The following NFIC variants were observed in gnomAD, a reference collection of about 807,000 sequenced individuals.
The protein encoded by NFIC is nuclear factor I C, also known as nuclear factor 1 C-type.
In NFIC, 12 loss-of-function variants were observed where a neutral mutation model predicts 54.4. The ratio of observed to expected loss-of-function variants is 0.22; its 90% confidence interval spans 0.14 to 0.36. The LOEUF (loss-of-function observed/expected upper bound fraction) is 0.36. NFIC is among the 10% of genes least tolerant of loss of function. NFIC has a pLI of 1.00. For synonymous variants in NFIC, 322 were observed against 319.2 expected (o/e 1.01, Z -0.09); for missense variants, 575 against 718.2 (o/e 0.80, Z 2.28).
In NFIC at chr19:3,370,827, C is replaced by G. The variant is rs192003738; in HGVS notation, c.30+4161C>G. Among the ~76,000 whole-genome samples, 4 of 152,314 alleles carry G rather than the reference C, an allele frequency of 2.6e-5. No homozygotes were observed. Among genetic ancestry groups the G allele is most frequent in the African/African-American group, 9.6e-5 (4 of 41,568 alleles). On this transcript the variant is annotated intron_variant, in intron 1 of 10. Coordinates refer to ENST00000443272, the MANE Select transcript of NFIC (RefSeq NM_001245002.2). The surrounding 1 kb of genome is among the most constrained non-coding windows in gnomAD (Gnocchi z 5.2). ...GAAATGCTGCCTGGGCCTCCTGCCC[C>G]GGACACGGCCCGCCCCCCACTCTCC...
chr19:3,413,682 C>G (rs181085074), intron 2 of NFIC, among the ~76,000 whole-genome samples: 73 of 152,218 alleles, frequency 4.8e-4, no homozygotes, highest in African/African-American at 1.7e-3. Context: ...CTCTGTCTCC[C>G]AGGCTGGAGT....
At chr19:3,410,599 GAAGAAGGTGGGCTTTTCCCCGCA>G (rs1218951433) in intron 2 of NFIC, 1 of 152,510 alleles carries the variant, frequency 6.6e-6, no homozygotes, top group Admixed American at 6.5e-5. Context: ...TGGGCCACGG[GAAGAAGGTGGGCTTTTCCCCGCA>G]AAGAAGGTGG....
chr19:3,399,402 T>G (rs1405739075), intron 2 of NFIC, among the ~76,000 whole-genome samples: 1 of 150,418 alleles, frequency 6.6e-6, no homozygotes, highest in Non-Finnish European at 1.5e-5. Context: ...CATAGTGAGA[T>G]GCCCATCTCT....
At chr19:3,368,277 G>A (rs1364384037) in intron 1 of NFIC, among the ~76,000 whole-genome samples, 1 of 152,174 alleles carries the variant, frequency 6.6e-6, no homozygotes, top group African/African-American at 2.4e-5. Context: ...GAGGTTGGAA[G>A]GCTGCCTGTG....
At chr19:3,393,164 A>G in intron 2 of NFIC, among the ~76,000 whole-genome samples, 1 of 151,936 alleles carries the variant, frequency 6.6e-6, no homozygotes, top group East Asian at 1.9e-4. Context: ...TGACCTCGTG[A>G]TCCACCCACC....
intron 2 of NFIC, among the ~76,000 whole-genome samples, chr19:3,383,264 T>C (rs936757607): frequency 6.6e-6 from 1 of 152,102 alleles, no homozygotes; most frequent in Non-Finnish European, 1.5e-5. Context: ...GGTGGTCAAA[T>C]GCCTGATGTT....
At chr19:3,438,975 G>A (rs568478373) in intron 6 of NFIC, among the ~76,000 whole-genome samples, 1 of 152,076 alleles carries the variant, frequency 6.6e-6, no homozygotes, top group Admixed American at 6.6e-5. Flanking sequence ...GGACCTCCCC[G>A]AGGAGGAGAA....
At chr19:3,427,785 C>T (rs551555598) in intron 3 of NFIC, among the ~76,000 whole-genome samples, 2 of 134,898 alleles carry the variant, frequency 1.5e-5, no homozygotes, top group East Asian at 2.2e-4. Context: ...CGAGATTGTG[C>T]ACCCTGGGCG....
At chr19:3,359,720 G>A (rs1381584037) in intron 1 of NFIC, 22 of 1,422,488 alleles carry the variant, frequency 1.5e-5, no homozygotes, top group African/African-American at 5.9e-5. Context: ...TTTCGCCCGG[G>A]GACTTTTTGG....
rs2082671434 is a variant in NFIC at position 3,463,504 on chromosome 19, G to A, written c.*735G>A. On this transcript the variant is annotated 3_prime_UTR_variant, in exon 11 of 11. Coordinates refer to ENST00000443272, the MANE Select transcript of NFIC (RefSeq NM_001245002.2). ...CCCTCGAGGGGGCCCTGCCTGCCGC[G>A]GGGCCTCCCCACAAGCCCCTCCCAA... 1.0e-6 allele frequency: 1 copy of A among 985,134 alleles called. No individual in the cohort carries two copies. Among genetic ancestry groups the A allele is most frequent in the South Asian group, 4.7e-5 (1 of 21,272 alleles). The allele number at this position is 985,134 out of a possible 1,614,324, so 61.0% of individuals were successfully genotyped here.
intron 2 of NFIC, among the ~76,000 whole-genome samples, chr19:3,422,234 G>C (rs893293467): frequency 2.0e-5 from 3 of 151,436 alleles, no homozygotes; most frequent in Admixed American, 1.3e-4. Context: ...ACTGCACCTG[G>C]ACTGTTTTTT....
Position 3,459,295 on chromosome 19 carries a change from G to A in NFIC, c.1509+2660G>A, listed in dbSNP as rs531297042. 1.1e-4 allele frequency among the ~76,000 whole-genome samples: 16 copies of A among 142,826 alleles called. No homozygotes were observed. In the East Asian group the frequency reaches 2.0e-3, roughly 18 times the overall value. 93.7% of individuals were successfully genotyped at this position (142,826 alleles called of 152,430 possible). A position where few individuals can be genotyped will look rare whatever the true frequency, so the allele number is the denominator to read the frequency against. On this transcript the variant is annotated intron_variant, in intron 10 of 10. Coordinates refer to ENST00000443272, the MANE Select transcript of NFIC (RefSeq NM_001245002.2). The surrounding 1 kb of genome is among the most constrained non-coding windows in gnomAD (Gnocchi z 4.2). ...CCCGTGATCTATGCTAATTGATCTC[G>A]CCCTGGTCAGTTACCCACCCATCGC...
chr19:3,373,942 G>A (rs2081064816), intron 1 of NFIC, among the ~76,000 whole-genome samples: 1 of 152,216 alleles, frequency 6.6e-6, no homozygotes, highest in African/African-American at 2.4e-5. Context: ...GCGGCCCAAG[G>A]TTAGAGCCTG....
intron 1 of NFIC, 146 bp from the exon 2 acceptor site, chr19:3,381,566 G>A (rs904204141): frequency 1.3e-5 from 16 of 1,269,640 alleles, no homozygotes; most frequent in Middle Eastern, 2.0e-4. Context: ...GCACGGGTCC[G>A]CAGCGACCCC....
At chr19:3,391,166 C>T (rs1311900349) in intron 2 of NFIC, among the ~76,000 whole-genome samples, 1 of 152,074 alleles carries the variant, frequency 6.6e-6, no homozygotes, top group African/African-American at 2.4e-5. Context: ...AGGAGGATCG[C>T]TTGAGCCCAG....
At chr19:3,434,256 C>G in intron 4 of NFIC, 21 bp from the exon 5 acceptor site, 4 of 1,600,280 alleles carry the variant, frequency 2.5e-6, no homozygotes, top group Non-Finnish European at 3.4e-6. Context: ...CTGCCTCACT[C>G]TCCTCTGTCA....
At position 3,464,577 on chromosome 19, in the gene NFIC, C is replaced by G; in HGVS notation, c.*1808C>G. On this transcript the variant is annotated 3_prime_UTR_variant, in exon 11 of 11. Transcript: ENST00000443272. ...CTCCATGCCTAGGGAAAAACTCCCC[C>G]CACCACTGCCCCCTCCCCCGACCCA... is the stretch of plus-strand genomic sequence containing the variant. 1 of 966,118 alleles carries G rather than the reference C, an allele frequency of 1.0e-6. No homozygotes were observed. The highest frequency in any genetic ancestry group is 1.2e-6 in the Non-Finnish European group (1 of 813,298). 59.8% of individuals were successfully genotyped at this position (966,118 alleles called of 1,614,324 possible). A position where few individuals can be genotyped will look rare whatever the true frequency, so the allele number is the denominator to read the frequency against.
chr19:3,381,924 C>A lies in NFIC; in HGVS notation c.243C>A (p.Arg81=). 1.9e-6 allele frequency: 3 copies of A among 1,613,648 alleles called. No individual in the cohort carries two copies. Among genetic ancestry groups the A allele is most frequent in the Non-Finnish European group, 2.5e-6 (3 of 1,179,936 alleles). The change falls in exon 2 of 11, where the codon CGC becomes CGA. Residue 81 remains arginine (R), a synonymous_variant. Coordinates refer to ENST00000443272, the MANE Select transcript of NFIC (RefSeq NM_001245002.2). ...CGTCGCGGCTGCTGGCCAAGCTGCG[C>A]AAGGACATCCGGCCCGAGTGCCGCG... is the stretch of plus-strand genomic sequence containing the variant. The part of the protein sequence containing the change: ...KWASRLLAKL[R]KDIRPECRED...
At chr19:3,401,966 A>AC (rs1330517324) in intron 2 of NFIC, among the ~76,000 whole-genome samples, 3 of 151,176 alleles carry the variant, frequency 2.0e-5, no homozygotes, top group Non-Finnish European at 4.4e-5. Context: ...AATTGATCCA[A>AC]CCGCCTCGAC....
Sources: allele counts gnomAD v4.1 joint callset (sites outside exome capture counted in the v4.1 genomes callset), GRCh38; gene constraint gnomAD v4.1.1; non-coding constraint Gnocchi (gnomAD v3.1); transcripts MANE v1.5; gene names NCBI Gene and HGNC (gene_info 2026-07-23, HGNC 2026-07-21).